VPS13B: variants seen among roughly 807,000 people sequenced by gnomAD.
The protein encoded by VPS13B is intermembrane lipid transfer protein VPS13B.
Under a neutral mutation model 426.4 loss-of-function variants are expected in VPS13B, and 285 were observed. The observed-to-expected ratio is 0.67, with a 90% CI of 0.61 to 0.74. VPS13B has a LOEUF of 0.74. VPS13B is among the 30% of genes least tolerant of loss of function. The pLI is 0.00. For missense variants in VPS13B, 4,537 were observed against 4,782.6 expected, an observed-to-expected ratio of 0.95 and a Z score of 1.51; for synonymous variants, 1,676 against 1,676.4, an observed-to-expected ratio of 1.00 and a Z score of 0.01.
chr8:99,491,610 T>G (rs1820607244), intron 25 of VPS13B, among the ~76,000 whole-genome samples: 1 of 152,218 alleles, frequency 6.6e-6, no homozygotes, highest in South Asian at 2.1e-4. Flanking sequence ...TTTCATTAAT[T>G]TGATCTTCAA....
At chr8:99,456,412 G>C (rs926451478) in intron 23 of VPS13B, among the ~76,000 whole-genome samples, 1 of 151,996 alleles carries the variant, frequency 6.6e-6, no homozygotes, top group Admixed American at 6.6e-5. Flanking sequence ...CAAGTGATCT[G>C]CCCACCTTGG....
intron 21 of VPS13B, among the ~76,000 whole-genome samples, chr8:99,425,313 T>C (rs1003852123): frequency 6.6e-6 from 1 of 152,158 alleles, no homozygotes; most frequent in Non-Finnish European, 1.5e-5. Context: ...GCAAAAATCC[T>C]CAATAAAATA....
intron 39 of VPS13B, among the ~76,000 whole-genome samples, chr8:99,747,390 C>T (rs1484393340): frequency 1.3e-5 from 2 of 151,808 alleles, no homozygotes; most frequent in Admixed American, 1.3e-4. Context: ...ACAGTGAAGT[C>T]CTGTGATTAA....
intron 33 of VPS13B, among the ~76,000 whole-genome samples, chr8:99,633,111 G>A (rs1052761087): frequency 6.6e-6 from 1 of 151,930 alleles, no homozygotes; most frequent in East Asian, 1.9e-4. Context: ...AGTTTTAAAA[G>A]CATGTCTTTT....
At chr8:99,084,752 A>G (rs900069875) in intron 3 of VPS13B, among the ~76,000 whole-genome samples, 1 of 152,140 alleles carries the variant, frequency 6.6e-6, no homozygotes, top group South Asian at 2.1e-4. Flanking sequence ...GTTTCCATGT[A>G]GTTGAGTGGC....
chr8:99,460,835 A>G (rs1261069357), intron 23 of VPS13B, among the ~76,000 whole-genome samples: 1 of 152,124 alleles, frequency 6.6e-6, no homozygotes, highest in African/African-American at 2.4e-5. Context: ...CTCTTTGATC[A>G]TGGCAGCAAT....
At chr8:99,014,087 C>T in intron 2 of VPS13B, 152 bp downstream of exon 2, 1 of 405,216 alleles carries the variant, frequency 2.5e-6, no homozygotes, top group Non-Finnish European at 4.5e-6. Context: ...CTTTATTTTA[C>T]ACTATTTTCT....
intron 19 of VPS13B, among the ~76,000 whole-genome samples, chr8:99,345,862 T>TGAACC (rs1464484100): frequency 3.3e-5 from 5 of 152,048 alleles, no homozygotes; most frequent in African/African-American, 1.2e-4. Flanking sequence ...AACCATGAGT[T>TGAACC]ATTCTTCAGG....
intron 17 of VPS13B, among the ~76,000 whole-genome samples, chr8:99,227,771 G>A (rs1816092379): frequency 6.6e-6 from 1 of 152,088 alleles, no homozygotes; most frequent in Admixed American, 6.5e-5. Context: ...CTTTGTACAT[G>A]ATATCCACAC....
chr8:99,521,909 T>G (rs989661965), intron 30 of VPS13B, among the ~76,000 whole-genome samples: 1 of 152,244 alleles, frequency 6.6e-6, no homozygotes, highest in Admixed American at 6.5e-5. Flanking sequence ...TTATAATTTC[T>G]TCCTTTGACT....
chr8:99,350,968 C>A (rs545760098), intron 19 of VPS13B, among the ~76,000 whole-genome samples: 1 of 151,912 alleles, frequency 6.6e-6, no homozygotes, highest in African/African-American at 2.4e-5. Flanking sequence ...AAATAGATAT[C>A]ATTTTAAATT....
chr8:99,551,034 A>G (rs758484898), intron 30 of VPS13B, among the ~76,000 whole-genome samples: 16 of 151,974 alleles, frequency 1.1e-4, no homozygotes, highest in Non-Finnish European at 1.8e-4. Flanking sequence ...TGTTCTGTAA[A>G]TGTTCACCTC....
chr8:99,819,271 C>G, intron 47 of VPS13B, 141 bp from the exon 48 acceptor site: 1 of 976,894 alleles, frequency 1.0e-6, no homozygotes, highest in Non-Finnish European at 1.5e-6. Context: ...CCCAGATCAT[C>G]CACACACTGT....
chr8:99,516,586 T>G (rs771965918), intron 29 of VPS13B, among the ~76,000 whole-genome samples: 2 of 151,698 alleles, frequency 1.3e-5, no homozygotes, highest in Non-Finnish European at 2.9e-5. Context: ...CCTAGGAGTT[T>G]GAGACTAGCC....
Position 99,742,764 on chromosome 8 carries a change from A to G in VPS13B, c.7050+21717A>G, listed in dbSNP as rs184279273. Among the ~76,000 whole-genome samples the G allele has an allele frequency of 6.3e-3, 963 of 152,358 alleles. 8 individuals carry two copies. Among genetic ancestry groups the G allele is most frequent in the African/African-American group, 0.022 (905 of 41,580 alleles). On this transcript the variant is annotated intron_variant, in intron 39 of 61. Coordinates refer to ENST00000357162, the MANE Select transcript of VPS13B (RefSeq NM_152564.5). The stretch of plus-strand genomic sequence containing the variant: ...AATAGATGCAGAAAAGGCCTTTGAC[A>G]AAATTCAACAACCCTTCACGCCAAA...
chr8:99,862,065 TA>T, intron 58 of VPS13B, 119 bp downstream of exon 58: 1 of 1,249,646 alleles, frequency 8.0e-7, no homozygotes, highest in Non-Finnish European at 1.1e-6. Flanking sequence ...TCAGAGAAGG[TA>T]AGGCACTTGC....
At chr8:99,652,141 G>A (rs924020469) in intron 34 of VPS13B, among the ~76,000 whole-genome samples, 1 of 152,082 alleles carries the variant, frequency 6.6e-6, no homozygotes. Context: ...TTTTATAAAT[G>A]CCAAAGGTCT....
chr8:99,270,544 A>G (rs1818536321), intron 17 of VPS13B, among the ~76,000 whole-genome samples: 1 of 152,294 alleles, frequency 6.6e-6, no homozygotes, highest in African/African-American at 2.4e-5. Context: ...AAGGTAGAGT[A>G]TTAAGTTTTG....
At chr8:99,451,987 A>T (rs1171747861) in intron 23 of VPS13B, among the ~76,000 whole-genome samples, 1 of 152,114 alleles carries the variant, frequency 6.6e-6, no homozygotes, top group Non-Finnish European at 1.5e-5. Flanking sequence ...TTTGTCATGC[A>T]GAGTAATTTA....
Sources: gnomAD v4.1 joint callset for allele counts (sites outside exome capture counted in the v4.1 genomes callset) on GRCh38, gnomAD v4.1.1 for gene constraint, MANE v1.5 for transcripts, NCBI Gene and HGNC (gene_info 2026-07-23, HGNC 2026-07-21) for gene names.